CADM2: variants seen among roughly 807,000 people sequenced by gnomAD.
CADM2 encodes the protein immunoglobulin superfamily member 4D.
A neutral mutation model predicts 49.8 loss-of-function variants in CADM2; 12 were observed. The observed-to-expected ratio is 0.24, with a 90% CI of 0.15 to 0.39. The LOEUF is 0.39. Among genes scored for constraint, CADM2 ranks in the 10% least tolerant of loss-of-function variants. The pLI, the probability that CADM2 is intolerant of heterozygous loss-of-function variation, is 1.00. For missense variants in CADM2, 378 were observed against 492.3 expected, an observed-to-expected ratio of 0.77 and a Z score of 2.20; for synonymous variants, 214 against 175.4, an observed-to-expected ratio of 1.22 and a Z score of -1.74.
chr3:85,440,220 A>C (rs1403143675), intron 1 of CADM2, among the ~76,000 whole-genome samples: 3 of 152,162 alleles, frequency 2.0e-5, no homozygotes, highest in African/African-American at 7.2e-5. Flanking sequence ...AATCCAAAGA[A>C]GGTGCTTTTT....
chr3:85,188,584 T>C (rs1008432487), intron 1 of CADM2, among the ~76,000 whole-genome samples: 14 of 152,274 alleles, frequency 9.2e-5, no homozygotes, highest in African/African-American at 3.4e-4. Context: ...AGTTGTTTTT[T>C]TTCATATTTA....
chr3:85,189,950 ATTTTTTTTTTTTT>A, intron 1 of CADM2, among the ~76,000 whole-genome samples: 1 of 71,056 alleles, frequency 1.4e-5, no homozygotes, highest in Middle Eastern at 5.9e-3. Context: ...GGTCTCCCTC[ATTTTTTTTTTTTT>A]TTTTTTTTTT....
chr3:85,672,748 T>C (rs1337020381), intron 1 of CADM2, among the ~76,000 whole-genome samples: 1 of 152,168 alleles, frequency 6.6e-6, no homozygotes, highest in African/African-American at 2.4e-5. Flanking sequence ...ATAAAATACC[T>C]CTACTTTCTG....
chr3:86,025,511 G>T (rs1456435324), intron 8 of CADM2, among the ~76,000 whole-genome samples: 1 of 151,600 alleles, frequency 6.6e-6, no homozygotes, highest in Non-Finnish European at 1.5e-5. Context: ...TTATACAAAT[G>T]ATTATTCCAT....
At chr3:85,233,569 C>CA (rs1488408977) in intron 1 of CADM2, among the ~76,000 whole-genome samples, 1 of 151,994 alleles carries the variant, frequency 6.6e-6, no homozygotes, top group East Asian at 1.9e-4. Context: ...AAATAGTTAG[C>CA]AAAAGTAACT....
At chr3:85,060,380 A>T (rs979566862) in intron 1 of CADM2, among the ~76,000 whole-genome samples, 2 of 151,880 alleles carry the variant, frequency 1.3e-5, no homozygotes, top group African/African-American at 2.4e-5. Flanking sequence ...ACCCGCCTCA[A>T]TCTCCCAAAT....
intron 1 of CADM2, among the ~76,000 whole-genome samples, chr3:85,026,998 T>G (rs111548365): frequency 2.6e-5 from 4 of 151,970 alleles, no homozygotes; most frequent in Non-Finnish European, 5.9e-5. Context: ...TCACGACATG[T>G]CTTTCTCTTA....
chr3:85,442,749 A>G (rs2037272318), intron 1 of CADM2, among the ~76,000 whole-genome samples: 1 of 150,928 alleles, frequency 6.6e-6, no homozygotes, highest in South Asian at 2.1e-4. Context: ...ATAAGAATAT[A>G]TTTACAATAT....
intron 1 of CADM2, among the ~76,000 whole-genome samples, chr3:85,455,271 G>A (rs2107577146): frequency 6.6e-6 from 1 of 152,298 alleles, no homozygotes; most frequent in South Asian, 2.1e-4. Context: ...GGATATTTAA[G>A]GAAACATTGC....
rs2039191742 is a variant in CADM2, at chr3:85,481,139, G to A, written c.62-245383G>A. 2.0e-5 allele frequency among the ~76,000 whole-genome samples: 3 copies of A among 150,796 alleles called. No homozygotes were observed. In the South Asian group the frequency reaches 6.2e-4, roughly 31 times the overall value. Reference sequence around the variant, plus strand: ...TTATCAGTTTAGTATATATTTACTTGTGAATTTTAGTTTCAATGATAAGAC... The same window carrying A: ...TTATCAGTTTAGTATATATTTACTTATGAATTTTAGTTTCAATGATAAGAC... On this transcript the variant is annotated intron_variant, in intron 1 of 9. Transcript: ENST00000383699.
At chr3:86,029,899 A>G (rs1373066336) in intron 8 of CADM2, among the ~76,000 whole-genome samples, 3 of 152,050 alleles carry the variant, frequency 2.0e-5, no homozygotes, top group African/African-American at 7.2e-5. Context: ...TGTCAAAGGG[A>G]TGAGTACTAA....
chr3:85,408,279 A>G (rs2035494200), intron 1 of CADM2, among the ~76,000 whole-genome samples: 1 of 152,206 alleles, frequency 6.6e-6, no homozygotes, highest in South Asian at 2.1e-4. Context: ...GTGGACTTAC[A>G]TGTACATAGA....
At chr3:85,775,405 C>T (rs1490492462) in intron 2 of CADM2, among the ~76,000 whole-genome samples, 4 of 151,550 alleles carry the variant, frequency 2.6e-5, no homozygotes, top group Non-Finnish European at 5.9e-5. Flanking sequence ...GGAATTAATA[C>T]TATAATCACT....
intron 1 of CADM2, among the ~76,000 whole-genome samples, chr3:85,483,749 T>G (rs1027756876): frequency 1.3e-5 from 2 of 151,158 alleles, no homozygotes; most frequent in Admixed American, 1.3e-4. Context: ...TATATAATGT[T>G]GAATAAGGAG....
At chr3:85,588,242 T>G (rs1420559818) in intron 1 of CADM2, among the ~76,000 whole-genome samples, 1 of 152,084 alleles carries the variant, frequency 6.6e-6, no homozygotes, top group Non-Finnish European at 1.5e-5. Flanking sequence ...TGACCACTGT[T>G]GATGGTGCAT....
chr3:85,697,380 C>T (rs551194521), intron 1 of CADM2, among the ~76,000 whole-genome samples: 17 of 151,856 alleles, frequency 1.1e-4, no homozygotes, highest in South Asian at 4.1e-4. Context: ...ATCCTGAAAA[C>T]GCCAGTTACC....
rs932076494 is a variant in CADM2 at position 86,070,552 on chromosome 3, A to G, written c.*3769A>G. The G allele has an allele frequency of 1.3e-5, 2 of 151,900 alleles. No individual in the cohort carries two copies. The highest frequency in any genetic ancestry group is 6.6e-5 in the Admixed American group (1 of 15,214). 9.4% of individuals were successfully genotyped at this position (151,900 alleles called of 1,614,324 possible). A position where few individuals can be genotyped will look rare whatever the true frequency, so the allele number is the denominator to read the frequency against. On this transcript the variant is annotated 3_prime_UTR_variant, in exon 10 of 10. Transcript: ENST00000383699. The stretch of plus-strand genomic sequence containing the variant: ...TGTCTTACCACAACTTTCCCATGGT[A>G]TTGCTAATTACTTAGAGTCTCTAAA...
chr3:85,098,663 GGGTATT>G (rs1194921871), intron 1 of CADM2, among the ~76,000 whole-genome samples: 3 of 152,120 alleles, frequency 2.0e-5, no homozygotes, highest in Non-Finnish European at 4.4e-5. Context: ...AGTACACATG[GGGTATT>G]GGTTCCAGGA....
chr3:85,079,511 G>T (rs1559649527), intron 1 of CADM2, among the ~76,000 whole-genome samples: 1 of 151,658 alleles, frequency 6.6e-6, no homozygotes, highest in Non-Finnish European at 1.5e-5. Flanking sequence ...TTTAAATATT[G>T]ATGTTCACAA....
Sources: gnomAD v4.1 joint callset for allele counts (sites outside exome capture counted in the v4.1 genomes callset) on GRCh38, gnomAD v4.1.1 for gene constraint, MANE v1.5 for transcripts, NCBI Gene and HGNC (gene_info 2026-07-23, HGNC 2026-07-21) for gene names.